DPP6: variants seen among roughly 807,000 people sequenced by gnomAD.
DPP6 encodes the protein dipeptidyl peptidase like 6.
In DPP6, 69 loss-of-function variants were observed where a neutral mutation model predicts 122.6. That is an observed-to-expected ratio of 0.56 (90% confidence interval 0.46 to 0.69). The LOEUF (loss-of-function observed/expected upper bound fraction) is 0.69. DPP6 is among the 30% of genes least tolerant of loss of function. The pLI is 0.00. For synonymous variants in DPP6, 418 were observed against 433.1 expected (o/e 0.97, Z 0.43); for missense variants, 928 against 1,116.9 (o/e 0.83, Z 2.41).
chr7:153,918,466 A>ACACTCTCT (rs1379555083), intron 1 of DPP6, among the ~76,000 whole-genome samples: 1 of 95,950 alleles, frequency 1.0e-5, no homozygotes, highest in Non-Finnish European at 2.1e-5. Flanking sequence ...ACACACACAC[A>ACACTCTCT]CTCTCTCTCT....
intron 1 of DPP6, among the ~76,000 whole-genome samples, chr7:154,029,803 G>A (rs1189980375): frequency 4.1e-5 from 6 of 147,596 alleles, no homozygotes; most frequent in African/African-American, 1.3e-4. Flanking sequence ...CTGAGATCAC[G>A]CCACTACACT....
chr7:154,710,840 AGGAGCAGTAACTTGC>A (rs770911073), intron 7 of DPP6, among the ~76,000 whole-genome samples: 3 of 152,236 alleles, frequency 2.0e-5, no homozygotes, highest in South Asian at 2.1e-4. Context: ...TGTGGGCTTC[AGGAGCAGTAACTTGC>A]GTATGATCAT....
chr7:154,402,769 GAAA>G (rs938142106), intron 1 of DPP6, among the ~76,000 whole-genome samples: 95 of 149,452 alleles, frequency 6.4e-4, no homozygotes, highest in African/African-American at 2.3e-3. Flanking sequence ...TTAAAAAAAA[GAAA>G]AAAATAAAAA....
intron 18 of DPP6, among the ~76,000 whole-genome samples, 177 bp downstream of exon 18, chr7:154,868,270 C>G (rs1327776144): frequency 6.6e-6 from 1 of 152,194 alleles, no homozygotes; most frequent in Non-Finnish European, 1.5e-5. Context: ...AAGATGCTCA[C>G]TCTGGTGACA....
At chr7:153,893,002 G>A (rs907520698) in intron 1 of DPP6, among the ~76,000 whole-genome samples, 3 of 152,148 alleles carry the variant, frequency 2.0e-5, no homozygotes, top group Non-Finnish European at 4.4e-5. Context: ...AATCCTCCTT[G>A]CAGGATTTAT....
chr7:154,159,135 A>G (rs1039800139), intron 1 of DPP6, among the ~76,000 whole-genome samples: 1 of 152,140 alleles, frequency 6.6e-6, no homozygotes, highest in Non-Finnish European at 1.5e-5. Flanking sequence ...ACCTTCCTGC[A>G]TATTCACTTG....
chr7:153,749,233 T>C, the DPP6 span, among the ~76,000 whole-genome samples: 2 of 152,200 alleles, frequency 1.3e-5, no homozygotes, highest in African/African-American at 4.8e-5. This position sits in a 1 kb window ranked among gnomAD's most constrained non-coding sequence, Gnocchi z 4.1. Flanking sequence ...AGCAGGGCTC[T>C]GCCCGTGCAT....
intron 8 of DPP6, among the ~76,000 whole-genome samples, chr7:154,757,076 C>G (rs1163828269): frequency 6.6e-6 from 1 of 151,558 alleles, no homozygotes; most frequent in Non-Finnish European, 1.5e-5. Flanking sequence ...CTCACGGCCC[C>G]TGAAGAACTG....
At chr7:153,988,922 C>T (rs1353106371) in intron 1 of DPP6, among the ~76,000 whole-genome samples, 2 of 149,296 alleles carry the variant, frequency 1.3e-5, no homozygotes, top group Admixed American at 6.7e-5. Flanking sequence ...GCCAGCGCGC[C>T]GGGAGTGGTG....
chr7:154,769,112 G>A (rs368202009), intron 8 of DPP6, among the ~76,000 whole-genome samples: 7 of 152,116 alleles, frequency 4.6e-5, no homozygotes, highest in African/African-American at 1.7e-4. Flanking sequence ...GACGTGTTGG[G>A]CTCATAGTGC....
At chr7:154,704,683 A>C (rs1240375479) in intron 7 of DPP6, among the ~76,000 whole-genome samples, 3 of 152,236 alleles carry the variant, frequency 2.0e-5, no homozygotes, top group Non-Finnish European at 4.4e-5. Context: ...GATTGTTAGC[A>C]TTTTTTAGCA....
At chr7:154,878,046 C>T (rs1411551764) in intron 20 of DPP6, among the ~76,000 whole-genome samples, 1 of 152,186 alleles carries the variant, frequency 6.6e-6, no homozygotes, top group Non-Finnish European at 1.5e-5. Context: ...AGACCTCCTC[C>T]TTTGGGTCTT....
At chr7:154,530,812 A>G (rs1008791024) in intron 3 of DPP6, among the ~76,000 whole-genome samples, 1 of 152,220 alleles carries the variant, frequency 6.6e-6, no homozygotes, top group Non-Finnish European at 1.5e-5. Flanking sequence ...TATACTATGC[A>G]GCCACAAAAA....
chr7:154,526,945 T>C (rs1208443639), intron 3 of DPP6, among the ~76,000 whole-genome samples: 1 of 152,192 alleles, frequency 6.6e-6, no homozygotes, highest in African/African-American at 2.4e-5. Flanking sequence ...CAATCACTAA[T>C]AGCCTGCAAC....
At chr7:154,634,672 C>T (rs77381459) in intron 5 of DPP6, among the ~76,000 whole-genome samples, 10,390 of 151,516 alleles carry the variant, frequency 0.069, 1,163 homozygotes, top group African/African-American at 0.24. Flanking sequence ...CCTCCTCTTC[C>T]CCTTCTCCTT....
chr7:154,848,175 G>A (rs188395118), intron 16 of DPP6, among the ~76,000 whole-genome samples: 1 of 152,248 alleles, frequency 6.6e-6, no homozygotes, highest in Admixed American at 6.5e-5. Flanking sequence ...AATTCCTTTG[G>A]ATCTTTACAC....
In DPP6 at chr7:154,061,674, C is replaced by A. The variant is rs1181927466; in HGVS notation, c.243+8611C>A. ...CTCAGAGCCAACCCCTCTTCCCCCCCTGGCTCTTGGGACCACCATCGCAGG... is the reference window on the plus strand; with the variant it reads ...CTCAGAGCCAACCCCTCTTCCCCCCATGGCTCTTGGGACCACCATCGCAGG... On this transcript the variant is annotated intron_variant, in intron 1 of 25. Transcript: ENST00000377770. Among the ~76,000 whole-genome samples the A allele has an allele frequency of 6.5e-4, 91 of 141,050 alleles. 2 individuals carry two copies. Among genetic ancestry groups the A allele is most frequent in the Middle Eastern group, 7.4e-3 (2 of 272 alleles). 92.5% of individuals were successfully genotyped at this position (141,050 alleles called of 152,430 possible).
chr7:154,542,896 C>T (rs1828847261), intron 4 of DPP6, among the ~76,000 whole-genome samples: 1 of 152,198 alleles, frequency 6.6e-6, no homozygotes, highest in Admixed American at 6.5e-5. Flanking sequence ...GCCTCAATTG[C>T]TCTATCTCCA....
At chr7:154,236,944 C>T (rs1801255226) in intron 1 of DPP6, among the ~76,000 whole-genome samples, 3 of 152,252 alleles carry the variant, frequency 2.0e-5, no homozygotes, top group South Asian at 4.2e-4. Flanking sequence ...CACACAGCCC[C>T]GCCCCATCAC....
Sources: gnomAD v4.1 joint callset for allele counts (sites outside exome capture counted in the v4.1 genomes callset) on GRCh38, gnomAD v4.1.1 for gene constraint, Gnocchi (gnomAD v3.1) non-coding constraint, MANE v1.5 for transcripts, NCBI Gene and HGNC (gene_info 2026-07-23, HGNC 2026-07-21) for gene names.